Variants in OSBPL10 observed in about 807,000 individuals in gnomAD.
OSBPL10 encodes oxysterol binding protein like 10, also known as oxysterol-binding protein-related protein 10.
OSBPL10 carries 49 observed loss-of-function variants against 81.7 expected under a neutral mutation model. The observed-to-expected ratio is 0.60, with a 90% confidence interval of 0.48 to 0.76. The LOEUF (loss-of-function observed/expected upper bound fraction) is 0.76. OSBPL10 is among the 30% of genes least tolerant of loss of function. The probability of loss-of-function intolerance (pLI) is 0.00; values close to 1 mark genes in which losing one functional copy is unlikely to be tolerated. For missense variants in OSBPL10, 923 were observed against 987.8 expected (o/e 0.93, Z 0.88); for synonymous variants, 419 against 383.6 (o/e 1.09, Z -1.08).
intron 1 of OSBPL10, among the ~76,000 whole-genome samples, chr3:31,972,056 G>T (rs1317122093): frequency 1.3e-5 from 2 of 152,198 alleles, no homozygotes; most frequent in Non-Finnish European, 1.5e-5. Flanking sequence ...GAGTATGTTT[G>T]GGGGATGGTG....
chr3:31,821,784 G>C (rs1699987191), intron 4 of OSBPL10, among the ~76,000 whole-genome samples: 1 of 152,172 alleles, frequency 6.6e-6, no homozygotes, highest in South Asian at 2.1e-4. Context: ...GGTTTCCCTG[G>C]TGATGGGATT....
intron 1 of OSBPL10, among the ~76,000 whole-genome samples, chr3:31,921,210 T>C (rs1486342519): frequency 1.3e-5 from 2 of 152,216 alleles, no homozygotes; most frequent in Non-Finnish European, 2.9e-5. Flanking sequence ...TTAAAATATG[T>C]GTATATATAC....
chr3:31,786,887 A>T lies in OSBPL10; in HGVS notation c.730-38767T>A, dbSNP rs373828502. Among the ~76,000 whole-genome samples the T allele has an allele frequency of 6.4e-4, 97 of 152,338 alleles. 3 individuals are homozygous for T. The South Asian group carries it at 0.018, about 28-fold the overall frequency. On this transcript the variant is annotated intron_variant, in intron 4 of 11. Transcript: ENST00000396556. ...GAGCAGCATGGGCCAGACCAGCAGC[A>T]GCAGCTTTTTAATCTGGCAGACACA...
In OSBPL10 at chr3:31,950,109, A is replaced by T. The variant is rs746291534; in HGVS notation, c.281+30790T>A. Among the ~76,000 whole-genome samples, 163 of 152,244 alleles carry T rather than the reference A, an allele frequency of 1.1e-3. 7 individuals carry two copies. The highest frequency in any genetic ancestry group is 4.1e-4 in the Non-Finnish European group (28 of 68,044). On this transcript the variant is annotated intron_variant, in intron 1 of 11. Coordinates refer to ENST00000396556, the MANE Select transcript of OSBPL10 (RefSeq NM_017784.5). ...GCCAGTAAACTGAGCAGTGGGCAGC[A>T]TAATTAAGAGAATATGGAAAAGAAG...
intron 1 of OSBPL10, among the ~76,000 whole-genome samples, chr3:31,949,974 A>G (rs1216288220): frequency 6.6e-6 from 1 of 152,066 alleles, no homozygotes; most frequent in Non-Finnish European, 1.5e-5. Context: ...GCAATCTGAG[A>G]GTTGGCAAAA....
At chr3:32,063,336 T>C (rs9819595) in intron 1 of OSBPL10, among the ~76,000 whole-genome samples, 48,054 of 90,114 alleles carry the variant, frequency 0.53, 20,852 homozygotes, top group East Asian at 0.84. Context: ...GCAAGGGGTT[T>C]AGAGCCACAT....
At chr3:32,053,522 A>T (rs994391837) in intron 1 of OSBPL10, among the ~76,000 whole-genome samples, 4 of 152,242 alleles carry the variant, frequency 2.6e-5, no homozygotes, top group African/African-American at 9.6e-5. Context: ...GTAAAGGGTT[A>T]TCAAAGGTTT....
chr3:31,803,114 T>C (rs1699431202), intron 4 of OSBPL10, among the ~76,000 whole-genome samples: 1 of 151,890 alleles, frequency 6.6e-6, no homozygotes, highest in African/African-American at 2.4e-5. Context: ...GAGAACAGTG[T>C]GTAACATCGG....
intron 3 of OSBPL10, among the ~76,000 whole-genome samples, chr3:31,843,256 C>A (rs564643355): frequency 6.6e-6 from 1 of 152,362 alleles, no homozygotes; most frequent in African/African-American, 2.4e-5. Context: ...CACCTTGGGG[C>A]AGCCCTTGAT....
intron 8 of OSBPL10, among the ~76,000 whole-genome samples, chr3:31,680,376 T>C (rs1700610860): frequency 6.6e-6 from 1 of 152,120 alleles, no homozygotes; most frequent in Non-Finnish European, 1.5e-5. Flanking sequence ...CCTCCTCAGA[T>C]TCTGGTATCT....
chr3:32,007,500 T>A (rs1423978737), intron 2 of OSBPL10, among the ~76,000 whole-genome samples: 1 of 152,106 alleles, frequency 6.6e-6, no homozygotes, highest in African/African-American at 2.4e-5. Context: ...AAAAAGAGAC[T>A]CCATCTCTTG....
chr3:31,919,880 G>T (rs1417226185), intron 1 of OSBPL10, among the ~76,000 whole-genome samples: 1 of 152,238 alleles, frequency 6.6e-6, no homozygotes, highest in Middle Eastern at 3.2e-3. Flanking sequence ...GAGGATAATG[G>T]CACTAATAGT....
chr3:31,782,983 C>G (rs1217360447), intron 4 of OSBPL10, among the ~76,000 whole-genome samples: 1 of 151,886 alleles, frequency 6.6e-6, no homozygotes, highest in Non-Finnish European at 1.5e-5. Context: ...AAGACACTTG[C>G]ACATGTATGT....
At chr3:31,890,139 C>T (rs1695852919) in intron 1 of OSBPL10, among the ~76,000 whole-genome samples, 1 of 150,590 alleles carries the variant, frequency 6.6e-6, no homozygotes, top group Admixed American at 6.7e-5. Context: ...AAAAACAGTG[C>T]AAAATCAGAG....
At chr3:31,703,649 A>T (rs777827229) in intron 6 of OSBPL10, 1 of 152,196 alleles carries the variant, frequency 6.6e-6, no homozygotes, top group Non-Finnish European at 1.5e-5. Flanking sequence ...CATTCCAAAG[A>T]GAGGTAATAA....
intron 1 of OSBPL10, among the ~76,000 whole-genome samples, chr3:31,934,278 C>T (rs921673274): frequency 1.1e-4 from 17 of 151,692 alleles, no homozygotes; most frequent in Middle Eastern, 3.2e-3. Context: ...CAAGATCAGC[C>T]TGGCCCATTT....
intron 4 of OSBPL10, among the ~76,000 whole-genome samples, chr3:31,759,180 A>G (rs9812774): frequency 4.9e-4 from 75 of 152,348 alleles, no homozygotes; most frequent in African/African-American, 1.8e-3. Flanking sequence ...ATTGTTTTCA[A>G]AGAAAATGCC....
chr3:31,816,155 C>G (rs1306662887), intron 4 of OSBPL10, among the ~76,000 whole-genome samples: 1 of 152,154 alleles, frequency 6.6e-6, no homozygotes, highest in Non-Finnish European at 1.5e-5. Flanking sequence ...TTCCAGGGGT[C>G]CCAGTGACTT....
intron 2 of OSBPL10, chr3:31,990,903 T>C (rs1312594631): frequency 6.3e-7 from 1 of 1,575,382 alleles, no homozygotes; most frequent in Non-Finnish European, 8.6e-7. Flanking sequence ...CACATTCACA[T>C]CGCATTAGAC....
Sources: allele counts gnomAD v4.1 joint callset (sites outside exome capture counted in the v4.1 genomes callset), GRCh38; gene constraint gnomAD v4.1.1; transcripts MANE v1.5; gene names NCBI Gene and HGNC (gene_info 2026-07-23, HGNC 2026-07-21).